The following ITPR1 variants were observed in gnomAD, a reference collection of about 807,000 sequenced individuals.
ITPR1 encodes the protein inositol 1,4,5-trisphosphate-gated calcium channel ITPR1.
In ITPR1, 96 loss-of-function variants were observed where a neutral mutation model predicts 318.4. The observed-to-expected ratio is 0.30, with a 90% confidence interval of 0.26 to 0.36. The LOEUF (loss-of-function observed/expected upper bound fraction) is 0.36, where lower values mean the gene tolerates loss of function less well. Ranked by LOEUF, ITPR1 falls within the 10% of genes least tolerant of loss-of-function variation. The pLI is 1.00. For missense variants in ITPR1, 2,440 were observed against 3,460.2 expected (o/e 0.71, Z 7.40); for synonymous variants, 1,312 against 1,289.9 (o/e 1.02, Z -0.37).
At chr3:4,717,248 C>T in intron 39 of ITPR1, 119 bp from the exon 40 acceptor site, 1 of 866,086 alleles carries the variant, frequency 1.2e-6, no homozygotes, top group Non-Finnish European at 1.9e-6. Context: ...GATGGTTACC[C>T]ATCTAGCAAG....
At position 4,691,128 on chromosome 3, in the gene ITPR1, C is replaced by G; in HGVS notation, c.3829-16C>G. Reference sequence around the variant, plus strand: ...TTTGACTTGTCCCTGTGCTCTTTTCCTCACTCTTGTGCCAGATCCTGGAGG... The same window carrying G: ...TTTGACTTGTCCCTGTGCTCTTTTCGTCACTCTTGTGCCAGATCCTGGAGG... On this transcript the variant is annotated splice_polypyrimidine_tract_variant and intron_variant, in intron 31 of 61. Coordinates refer to ENST00000649015, the MANE Select transcript of ITPR1 (RefSeq NM_001378452.1). 6.3e-7 allele frequency: 1 copy of G among 1,581,010 alleles called. No individual in the cohort carries two copies. Among genetic ancestry groups the G allele is most frequent in the Admixed American group, 1.7e-5 (1 of 57,862 alleles).
At chr3:4,624,762 G>A (rs542429456) in intron 4 of ITPR1, among the ~76,000 whole-genome samples, 24 of 150,742 alleles carry the variant, frequency 1.6e-4, no homozygotes, top group Non-Finnish European at 2.4e-4. Context: ...TTAACACCTT[G>A]AAACACATAG....
intron 4 of ITPR1, among the ~76,000 whole-genome samples, chr3:4,574,482 C>G (rs1000629445): frequency 6.6e-6 from 1 of 152,180 alleles, no homozygotes; most frequent in Non-Finnish European, 1.5e-5. Context: ...TCCTCTTACT[C>G]TCCTTGTAAA....
intron 55 of ITPR1, among the ~76,000 whole-genome samples, chr3:4,809,661 C>A (rs1385914571): frequency 6.6e-6 from 1 of 152,042 alleles, no homozygotes; most frequent in African/African-American, 2.4e-5. Flanking sequence ...TAGAAGAAAG[C>A]TTTTCTTTTA....
rs116752383 is a variant in ITPR1, at chr3:4,621,174, G to A, written c.164-6589G>A. Among the ~76,000 whole-genome samples, 1,058 of 152,172 alleles carry A rather than the reference G, an allele frequency of 7.0e-3. 15 individuals are homozygous for A. Among genetic ancestry groups the A allele is most frequent in the African/African-American group, 0.024 (1,014 of 41,514 alleles). ...GTCGCACTGCTACAGAGAAATACAAGATATACAAGAGGCTTAATTGGCTTA... is the reference window on the plus strand; with the variant it reads ...GTCGCACTGCTACAGAGAAATACAAAATATACAAGAGGCTTAATTGGCTTA... On this transcript the variant is annotated intron_variant, in intron 4 of 61. Coordinates refer to ENST00000649015, the MANE Select transcript of ITPR1 (RefSeq NM_001378452.1).
At chr3:4,718,259 A>G (rs2041912690) in intron 40 of ITPR1, among the ~76,000 whole-genome samples, 1 of 152,220 alleles carries the variant, frequency 6.6e-6, no homozygotes, top group Non-Finnish European at 1.5e-5. Flanking sequence ...TGGTTGGCAA[A>G]TCAAGCAAAC....
chr3:4,702,877 T>C lies in ITPR1; in HGVS notation c.4584T>C (p.Val1528=), dbSNP rs1405275786. The part of the protein sequence containing the change: ...FVQLLQGVFR[V]YHCNWLMPSQ... ...AACTGCTGCAAGGCGTGTTCAGGGT[T>C]TACCACTGCAACTGGTTAATGCCAA... The change falls in exon 36 of 62, where the codon GTT becomes GTC. Residue 1528 remains valine (V), a synonymous_variant. Coordinates refer to ENST00000649015, the MANE Select transcript of ITPR1 (RefSeq NM_001378452.1). 2 of 1,613,972 alleles carry C rather than the reference T, an allele frequency of 1.2e-6. No individual in the cohort carries two copies. Among genetic ancestry groups the C allele is most frequent in the Non-Finnish European group, 1.7e-6 (2 of 1,179,866 alleles).
intron 45 of ITPR1, among the ~76,000 whole-genome samples, chr3:4,767,587 T>C (rs891168295): frequency 1.3e-5 from 2 of 152,262 alleles, no homozygotes; most frequent in African/African-American, 4.8e-5. Context: ...GGCACGATCA[T>C]TGCTCACTGC....
chr3:4,716,280 A>G (rs1162402626), intron 39 of ITPR1, among the ~76,000 whole-genome samples: 1 of 152,204 alleles, frequency 6.6e-6, no homozygotes, highest in South Asian at 2.1e-4. Flanking sequence ...AACTCAGAAA[A>G]TCTTCAAGCC....
chr3:4,572,229 A>G (rs547316950), intron 4 of ITPR1, among the ~76,000 whole-genome samples: 9 of 152,098 alleles, frequency 5.9e-5, no homozygotes, highest in Non-Finnish European at 8.8e-5. Context: ...CCTACTCCAC[A>G]TGTCCATTTG....
In ITPR1 at chr3:4,728,722, C is replaced by A. The variant is rs1373246364; in HGVS notation, c.5220+1549C>A. Among the ~76,000 whole-genome samples, 4 of 152,280 alleles carry A rather than the reference C, an allele frequency of 2.6e-5. No individual in the cohort carries two copies. In the East Asian group the frequency reaches 7.7e-4, roughly 29 times the overall value. Reference sequence around the variant, plus strand: ...TAACTATTTTTTTGGTACCCATTAACCATCCCCACCTGTCCCCTGTCTTGG... The same window carrying A: ...TAACTATTTTTTTGGTACCCATTAAACATCCCCACCTGTCCCCTGTCTTGG... On this transcript the variant is annotated intron_variant, in intron 42 of 61. Coordinates refer to ENST00000649015, the MANE Select transcript of ITPR1 (RefSeq NM_001378452.1).
chr3:4,630,680 G>A (rs568584268), intron 5 of ITPR1, among the ~76,000 whole-genome samples: 1 of 151,642 alleles, frequency 6.6e-6, no homozygotes, highest in South Asian at 2.1e-4. Context: ...CCGCCTCCCG[G>A]GCTCAAGCGA....
rs569206423 is a variant in ITPR1, at chr3:4,513,314, C to A, written c.-16-3162C>A. On this transcript the variant is annotated intron_variant, in intron 2 of 61. Coordinates refer to ENST00000649015, the MANE Select transcript of ITPR1 (RefSeq NM_001378452.1). ...TGCACTAAAACCTATCCTCCTCCCC[C>A]CATCTCCTTCCTCCACTTCACTAAG... Among the ~76,000 whole-genome samples, 66 of 152,332 alleles carry A rather than the reference C, an allele frequency of 4.3e-4. 1 individual carries two copies. In the Middle Eastern group the frequency reaches 0.014, roughly 31 times the overall value.
chr3:4,736,175 A>G (rs1418220978), intron 44 of ITPR1, among the ~76,000 whole-genome samples: 1 of 151,794 alleles, frequency 6.6e-6, no homozygotes, highest in Non-Finnish European at 1.5e-5. Flanking sequence ...CTATGTACAG[A>G]CTCGTGTACA....
intron 2 of ITPR1, among the ~76,000 whole-genome samples, chr3:4,511,664 G>A (rs1016142066): frequency 1.3e-5 from 2 of 152,306 alleles, no homozygotes; most frequent in African/African-American, 4.8e-5. Context: ...TTACAGCTGG[G>A]AAAAGTGAGG....
At chr3:4,627,682 G>A in intron 4 of ITPR1, 81 bp from the exon 5 acceptor site, 2 of 816,502 alleles carry the variant, frequency 2.4e-6, no homozygotes, top group African/African-American at 1.7e-5. Flanking sequence ...AATTTTTTAA[G>A]TGGAAAGCCT....
chr3:4,698,145 G>T (rs932188767), intron 34 of ITPR1, among the ~76,000 whole-genome samples: 7 of 152,230 alleles, frequency 4.6e-5, no homozygotes, highest in Middle Eastern at 3.4e-3. Context: ...TTGTGATGGT[G>T]GAATTTGGCA....
intron 24 of ITPR1, among the ~76,000 whole-genome samples, chr3:4,680,237 G>A (rs572906307): frequency 1.1e-4 from 17 of 152,276 alleles, no homozygotes; most frequent in Non-Finnish European, 1.8e-4. Context: ...AATACTTACT[G>A]AAATGGAGTC....
intron 55 of ITPR1, 57 bp downstream of exon 55, chr3:4,806,324 G>A: frequency 1.3e-6 from 2 of 1,489,098 alleles, no homozygotes; most frequent in African/African-American, 1.4e-5. Flanking sequence ...AGTGTCCTAT[G>A]TCCTCTCTCT....
Sources: allele counts gnomAD v4.1 joint callset (sites outside exome capture counted in the v4.1 genomes callset), GRCh38; gene constraint gnomAD v4.1.1; transcripts MANE v1.5; gene names NCBI Gene and HGNC (gene_info 2026-07-23, HGNC 2026-07-21).